ZBTB7A: variants seen among roughly 807,000 people sequenced by gnomAD.
The protein encoded by ZBTB7A is zinc finger and BTB domain containing 7A, also known as zinc finger and BTB domain-containing protein 7A.
A neutral mutation model predicts 26.7 loss-of-function variants in ZBTB7A; 7 were observed. That is an observed-to-expected ratio of 0.26 (90% CI 0.15 to 0.49). The LOEUF is 0.49. Ranked by LOEUF, ZBTB7A falls within the 20% of genes least tolerant of loss-of-function variation. ZBTB7A has a pLI of 0.98. For synonymous variants in ZBTB7A, 452 were observed against 441.0 expected, an observed-to-expected ratio of 1.02 and a Z score of -0.31; for missense variants, 617 against 919.5, an observed-to-expected ratio of 0.67 and a Z score of 4.25.
intron 2 of ZBTB7A, among the ~76,000 whole-genome samples, chr19:4,049,238 C>T (rs1432079953): frequency 6.9e-5 from 8 of 116,746 alleles, no homozygotes; most frequent in African/African-American, 6.0e-5. Context: ...GGTTGAGCTA[C>T]GTTACCCAGG....
intron 1 of ZBTB7A, among the ~76,000 whole-genome samples, chr19:4,064,471 C>A (rs1416914199): frequency 6.6e-6 from 1 of 152,262 alleles, no homozygotes; most frequent in Non-Finnish European, 1.5e-5. Context: ...CAGGCCCTGG[C>A]AGCAGCAGGG....
intron 1 of ZBTB7A, among the ~76,000 whole-genome samples, chr19:4,062,423 G>T (rs1209738651): frequency 6.6e-6 from 1 of 152,210 alleles, no homozygotes; most frequent in Non-Finnish European, 1.5e-5. Flanking sequence ...GAGACCCACG[G>T]TACGTGACGG....
intron 1 of ZBTB7A, among the ~76,000 whole-genome samples, chr19:4,058,485 G>T (rs1010193927): frequency 6.6e-6 from 1 of 150,706 alleles, no homozygotes; most frequent in African/African-American, 2.4e-5. Context: ...CCACCCACTC[G>T]GAGCTTGTGC....
chr19:4,043,675 G>C lies in ZBTB7A; in HGVS notation c.*4077C>G, dbSNP rs1254311007. On this transcript the variant is annotated 3_prime_UTR_variant, in exon 3 of 3. Transcript: ENST00000322357. ...GGTCCACAGCCTCCAGGCAGCCCCGGCGAGGGATGGGGGTCTCCCTGGCCC... is the reference window on the plus strand; with the variant it reads ...GGTCCACAGCCTCCAGGCAGCCCCGCCGAGGGATGGGGGTCTCCCTGGCCC... Among the ~76,000 whole-genome samples, 1 of 148,620 alleles carries C rather than the reference G, an allele frequency of 6.7e-6. No individual in the cohort carries two copies. The highest frequency in any genetic ancestry group is 2.5e-5 in the African/African-American group (1 of 39,350).
chr19:4,060,136 GGGCAGGCCCT>G (rs1203268611), intron 1 of ZBTB7A, among the ~76,000 whole-genome samples: 18 of 152,272 alleles, frequency 1.2e-4, no homozygotes, highest in African/African-American at 4.3e-4. Context: ...GGCGGCCGAG[GGGCAGGCCCT>G]GGCAGGCCCC....
intron 1 of ZBTB7A, among the ~76,000 whole-genome samples, chr19:4,059,624 T>C (rs1207370130): frequency 6.6e-6 from 1 of 151,964 alleles, no homozygotes; most frequent in Non-Finnish European, 1.5e-5. Flanking sequence ...GGCCAGGAAA[T>C]GATGGAGGGG....
At chr19:4,060,311 T>C (rs918745294) in intron 1 of ZBTB7A, among the ~76,000 whole-genome samples, 1 of 152,212 alleles carries the variant, frequency 6.6e-6, no homozygotes, top group Admixed American at 6.5e-5. Context: ...CTGCCAGGCA[T>C]ACCCAGAAGC....
rs1455098517 is a variant in ZBTB7A at position 4,046,828 on chromosome 19, AT to A, written c.*923del. On this transcript the variant is annotated 3_prime_UTR_variant, in exon 3 of 3. Coordinates refer to ENST00000322357, the MANE Select transcript of ZBTB7A (RefSeq NM_015898.4). ...TTTTAAGGAGGAAAGAGAAAAAAAA[AT>A]CTAAAAAGTGCTTTAAAAATTTGGG... 1 of 149,050 alleles carries A rather than the reference AT, an allele frequency of 6.7e-6. No homozygotes were observed. Among genetic ancestry groups the A allele is most frequent in the African/African-American group, 2.5e-5 (1 of 40,670 alleles). 9.2% of individuals were successfully genotyped at this position (149,050 alleles called of 1,614,324 possible).
At chr19:4,049,211 T>TATATATAAATATATATATATATATATA (rs1265213875) in intron 2 of ZBTB7A, among the ~76,000 whole-genome samples, 1 of 43,168 alleles carries the variant, frequency 2.3e-5, no homozygotes, top group African/African-American at 5.2e-5. Flanking sequence ...TATATATATG[T>TATATATAAATATATATATATATATATA]AAGTTTGAGA....
At position 4,044,105 on chromosome 19, in the gene ZBTB7A, CG is replaced by C. The variant is rs2040382333; in HGVS notation, c.*3646del. Among the ~76,000 whole-genome samples, 1 of 151,998 alleles carries C rather than the reference CG, an allele frequency of 6.6e-6. No homozygotes were observed. The highest frequency in any genetic ancestry group is 1.5e-5 in the Non-Finnish European group (1 of 67,974). On this transcript the variant is annotated 3_prime_UTR_variant, in exon 3 of 3. Coordinates refer to ENST00000322357, the MANE Select transcript of ZBTB7A (RefSeq NM_015898.4). ...GAGGTGACCGCTCCTGCCACGGCCC[CG>C]GGGTCTGAATCGTGCAAAGACCCCT... is the stretch of plus-strand genomic sequence containing the variant.
intron 1 of ZBTB7A, among the ~76,000 whole-genome samples, chr19:4,064,331 C>G (rs1015530046): frequency 1.3e-4 from 20 of 152,366 alleles, no homozygotes; most frequent in East Asian, 3.9e-4. Flanking sequence ...TCCTGCCCCC[C>G]CTTCTCCCCC....
In ZBTB7A at chr19:4,047,513, A is replaced by C; in HGVS notation, c.*239T>G. 8.3e-6 allele frequency: 2 copies of C among 240,654 alleles called. No individual in the cohort carries two copies. The highest frequency in any genetic ancestry group is 1.5e-5 in the Non-Finnish European group (2 of 130,848). The allele number at this position is 240,654 out of a possible 1,614,324, so 14.9% of individuals were successfully genotyped here. ...TGGGGTGGTGGGGGGAAGGGGAGCCAGGGAGGGCCGGGGCCCCTGCGGAGG... is the reference window on the plus strand; with the variant it reads ...TGGGGTGGTGGGGGGAAGGGGAGCCCGGGAGGGCCGGGGCCCCTGCGGAGG... On this transcript the variant is annotated 3_prime_UTR_variant, in exon 3 of 3. Coordinates refer to ENST00000322357, the MANE Select transcript of ZBTB7A (RefSeq NM_015898.4).
In ZBTB7A at chr19:4,050,072, C is replaced by G. The variant is rs569605952; in HGVS notation, c.1263-1828G>C. On this transcript the variant is annotated intron_variant, in intron 2 of 2. Coordinates refer to ENST00000322357, the MANE Select transcript of ZBTB7A (RefSeq NM_015898.4). ...CCAAGTAGCTGGGATTACAGGCCCT[C>G]TGCCACCACACCTGGCTCATTTTTG... Among the ~76,000 whole-genome samples, 587 of 152,260 alleles carry G rather than the reference C, an allele frequency of 3.9e-3. 5 individuals are homozygous for G. Among genetic ancestry groups the G allele is most frequent in the African/African-American group, 0.014 (569 of 41,560 alleles).
At chr19:4,058,606 C>A (rs1290117395) in intron 1 of ZBTB7A, among the ~76,000 whole-genome samples, 2 of 152,328 alleles carry the variant, frequency 1.3e-5, no homozygotes, top group African/African-American at 4.8e-5. Context: ...GCTCTCGGGC[C>A]AGAGCCCCTG....
chr19:4,048,673 A>C lies in ZBTB7A; in HGVS notation c.1263-429T>G, dbSNP rs2040455959. On this transcript the variant is annotated intron_variant, in intron 2 of 2. Transcript: ENST00000322357. The surrounding 1 kb of genome is among the most constrained non-coding windows in gnomAD (Gnocchi z 6.7). ...CGGTGAAACCCTGTCTCTACTAAAA[A>C]AACAAAAAACAAAAAAACAAAAAAC... is the stretch of plus-strand genomic sequence containing the variant. 7.0e-6 allele frequency among the ~76,000 whole-genome samples: 1 copy of C among 142,648 alleles called. No individual in the cohort carries two copies. The highest frequency in any genetic ancestry group is 2.7e-5 in the African/African-American group (1 of 36,560). 93.6% of individuals were successfully genotyped at this position (142,648 alleles called of 152,430 possible). A position where few individuals can be genotyped will look rare whatever the true frequency, so the allele number is the denominator to read the frequency against.
At chr19:4,063,528 G>C (rs992858183) in intron 1 of ZBTB7A, among the ~76,000 whole-genome samples, 1 of 152,238 alleles carries the variant, frequency 6.6e-6, no homozygotes, top group Non-Finnish European at 1.5e-5. Context: ...GAGGCGAGAG[G>C]GCTGTGGCTC....
Position 4,054,128 on chromosome 19 carries a change from A to T in ZBTB7A, c.1105T>A (p.Ser369Thr). 3.1e-6 allele frequency: 5 copies of T among 1,606,952 alleles called. No homozygotes were observed. Among genetic ancestry groups the T allele is most frequent in the Non-Finnish European group, 3.4e-6 (4 of 1,179,838 alleles). ...AHDGDVYPAW[S>T]QKVEKKIRAK... ...CGGATCTTCTTCTCCACCTTCTGCG[A>T]CCAGGCCGGGTAGACGTCGCCGTCG... Residue 369 changes from serine to threonine, a missense_variant, in exon 2 of 3, where the codon TCG (serine) becomes ACG (threonine). Ser to Thr is a moderately conservative substitution (Grantham distance 58). Transcript: ENST00000322357.
At chr19:4,065,645 G>T (rs2040687899) in intron 1 of ZBTB7A, 1 of 142,994 alleles carries the variant, frequency 7.0e-6, no homozygotes, top group South Asian at 2.1e-4. Flanking sequence ...CCCACGCCCG[G>T]GCCCGGCCTG....
rs1016547098 is a variant in ZBTB7A, at chr19:4,047,073, A to C, written c.*679T>G. On this transcript the variant is annotated 3_prime_UTR_variant, in exon 3 of 3. Coordinates refer to ENST00000322357, the MANE Select transcript of ZBTB7A (RefSeq NM_015898.4). ...CCGATCTCCTTTCTCCAGGCCTAGA[A>C]ATAAATAGGTTTGTGTCTCAGTGGC... 2 of 151,618 alleles carry C rather than the reference A, an allele frequency of 1.3e-5. No homozygotes were observed. The highest frequency in any genetic ancestry group is 4.8e-5 in the African/African-American group (2 of 41,238). The allele number at this position is 151,618 out of a possible 1,614,324, so 9.4% of individuals were successfully genotyped here. A position where few individuals can be genotyped will look rare whatever the true frequency, so the allele number is the denominator to read the frequency against.
Sources: gnomAD v4.1 joint callset for allele counts (sites outside exome capture counted in the v4.1 genomes callset) on GRCh38, gnomAD v4.1.1 for gene constraint, Gnocchi (gnomAD v3.1) non-coding constraint, MANE v1.5 for transcripts, NCBI Gene and HGNC (gene_info 2026-07-23, HGNC 2026-07-21) for gene names.